The following CR1 variants were observed in gnomAD, a reference collection of about 807,000 sequenced individuals.
CR1 encodes complement C3b/C4b receptor 1 (Knops blood group).
A neutral mutation model predicts 187.3 loss-of-function variants in CR1; 116 were observed. The ratio of observed to expected loss-of-function variants is 0.62; its 90% CI spans 0.53 to 0.72. The LOEUF is 0.72. Ranked by LOEUF, CR1 falls within the 30% of genes least tolerant of loss-of-function variation. The probability of loss-of-function intolerance (pLI) is 0.00; values close to 1 mark genes in which losing one functional copy is unlikely to be tolerated. For synonymous variants in CR1, 576 were observed against 747.1 expected, an observed-to-expected ratio of 0.77 and a Z score of 3.73; for missense variants, 1,731 against 2,110.7, an observed-to-expected ratio of 0.82 and a Z score of 3.52.
Position 207,496,262 on chromosome 1 carries a change from G to C in CR1, c.-6G>C. The C allele has an allele frequency of 1.2e-6, 2 of 1,613,798 alleles. No homozygotes were observed. Among genetic ancestry groups the C allele is most frequent in the African/African-American group, 1.3e-5 (1 of 75,040 alleles). On this transcript the variant is annotated 5_prime_UTR_variant, in exon 1 of 47. Coordinates refer to ENST00000367049, the MANE Select transcript of CR1 (RefSeq NM_000651.6). ...CAAATCTGGTTTGTAGATGTGCTTG[G>C]GGAGAATGGGGGCCTCTTCTCCAAG...
At chr1:207,583,678 T>A (rs944344090) in intron 32 of CR1, among the ~76,000 whole-genome samples, 3 of 152,220 alleles carry the variant, frequency 2.0e-5, no homozygotes, top group South Asian at 2.1e-4. Flanking sequence ...ATCATTTCAA[T>A]GTCTTGTATT....
intron 46 of CR1, among the ~76,000 whole-genome samples, chr1:207,636,752 C>T (rs1270373795): frequency 6.6e-6 from 1 of 152,250 alleles, no homozygotes; most frequent in African/African-American, 2.4e-5. Flanking sequence ...TTTAAAATGG[C>T]TTTTAATACT....
intron 40 of CR1, 42 bp from the exon 41 acceptor site, chr1:207,616,533 G>A (rs1305886893): frequency 1.3e-6 from 2 of 1,596,178 alleles, no homozygotes; most frequent in Non-Finnish European, 1.7e-6. Context: ...GTCATCTTAA[G>A]TGAAATTCTA....
At chr1:207,581,423 A>G (rs1038801131) in intron 31 of CR1, among the ~76,000 whole-genome samples, 1 of 150,580 alleles carries the variant, frequency 6.6e-6, no homozygotes, top group Admixed American at 6.7e-5. Flanking sequence ...TATGGAACAT[A>G]TGTATATATA....
At chr1:207,500,539 G>A (rs993437958) in intron 1 of CR1, among the ~76,000 whole-genome samples, 8 of 152,188 alleles carry the variant, frequency 5.3e-5, no homozygotes, top group Non-Finnish European at 1.2e-4. Flanking sequence ...GAATGTGAAA[G>A]TGGGCTGAGT....
At chr1:207,526,522 A>T (rs986873457) in intron 5 of CR1, among the ~76,000 whole-genome samples, 7 of 151,342 alleles carry the variant, frequency 4.6e-5, no homozygotes, top group Non-Finnish European at 7.4e-5. Flanking sequence ...GATGAAAAAC[A>T]ATGAATTGGA....
intron 41 of CR1, among the ~76,000 whole-genome samples, chr1:207,617,483 G>GTA (rs767996719): frequency 0.03 from 1,253 of 41,676 alleles, 110 homozygotes; most frequent in Middle Eastern, 0.051. Flanking sequence ...AGAACTTAAA[G>GTA]TATATATATA....
intron 35 of CR1, among the ~76,000 whole-genome samples, chr1:207,601,750 C>T (rs529266943): frequency 7.2e-5 from 11 of 152,038 alleles, no homozygotes; most frequent in South Asian, 6.2e-4. Context: ...TTGTCCATTT[C>T]GTAATTGGGT....
rs748682663 is a variant in CR1, at chr1:207,523,680, A to C, written c.557A>C (p.His186Pro). 2.5e-6 allele frequency: 4 copies of C among 1,613,728 alleles called. No individual in the cohort carries two copies. In the South Asian group the frequency reaches 4.4e-5, roughly 18 times the overall value. ...ATTAGCACCAACAGAGAGAATTTTCACTATGGATCAGTGGTGACCTACCGC... is the reference window on the plus strand; with the variant it reads ...ATTAGCACCAACAGAGAGAATTTTCCCTATGGATCAGTGGTGACCTACCGC... ...DFISTNRENF[H>P]YGSVVTYRCN... is the part of the protein sequence containing the mutation. Residue 186 changes from histidine (H) to proline (P), a missense_variant, in exon 5 of 47, where the codon CAC (histidine) becomes CCC (proline). His to Pro is a moderately conservative substitution (Grantham distance 77). Transcript: ENST00000367049.
At chr1:207,496,464 C>G (rs1659089250) in intron 1 of CR1, 76 bp downstream of exon 1, 1 of 1,417,388 alleles carries the variant, frequency 7.1e-7, no homozygotes, top group African/African-American at 1.5e-5. Context: ...TCGCGTGCAG[C>G]GCTGAGCTGC....
At chr1:207,584,618 A>G (rs760229651) in intron 32 of CR1, 31 bp from the exon 33 acceptor site, 2 of 1,603,724 alleles carry the variant, frequency 1.2e-6, no homozygotes, top group East Asian at 2.2e-5. Context: ...AAAATTTTTT[A>G]TGGAATTGAG....
chr1:207,578,281 G>A (rs557063086), intron 29 of CR1, 78 bp downstream of exon 29: 43 of 1,610,886 alleles, frequency 2.7e-5, no homozygotes, highest in Admixed American at 3.3e-5. Context: ...TATTTGTTAA[G>A]GGGGAGGTAT....
chr1:207,587,637 G>C, intron 34 of CR1, 72 bp downstream of exon 34: 2 of 1,436,010 alleles, frequency 1.4e-6, no homozygotes, highest in Non-Finnish European at 1.9e-6. Flanking sequence ...GGTGGCTCAC[G>C]CCTGTAATCC....
At chr1:207,594,028 T>C (rs1333694015) in intron 35 of CR1, among the ~76,000 whole-genome samples, 3 of 152,188 alleles carry the variant, frequency 2.0e-5, no homozygotes, top group Admixed American at 6.5e-5. Flanking sequence ...GTTCAACCAT[T>C]GTGGATGACA....
chr1:207,578,088 C>T lies in CR1; in HGVS notation c.4821C>T (p.Ser1607=). ...ILVSDNRSLF[S]LNEVVEFRCQ... The stretch of plus-strand genomic sequence containing the variant: ...TATCTGACAACAGAAGCTTATTTTC[C>T]TTAAATGAAGTTGTGGAGTTTAGGT... The change falls in exon 29 of 47, where the codon TCC becomes TCT. Residue 1607 remains serine (S), a synonymous_variant. Transcript: ENST00000367049. 6.2e-7 allele frequency: 1 copy of T among 1,611,730 alleles called. No individual in the cohort carries two copies. The highest frequency in any genetic ancestry group is 8.5e-7 in the Non-Finnish European group (1 of 1,179,660).
At chr1:207,637,163 A>C (rs1447006228) in intron 46 of CR1, among the ~76,000 whole-genome samples, 3 of 152,154 alleles carry the variant, frequency 2.0e-5, no homozygotes, top group Non-Finnish European at 4.4e-5. Flanking sequence ...TGGGGTAGAG[A>C]TTCCTTTTTC....
At chr1:207,627,436 GTTACCACAAGGGGA>G (rs902808551) in intron 45 of CR1, among the ~76,000 whole-genome samples, 10 of 152,326 alleles carry the variant, frequency 6.6e-5, no homozygotes, top group African/African-American at 1.9e-4. Context: ...CACTAACAGT[GTTACCACAAGGGGA>G]AATTTCTGCC....
intron 23 of CR1, 24 bp downstream of exon 23, chr1:207,564,258 G>C (rs779476081): frequency 7.0e-6 from 11 of 1,571,474 alleles, no homozygotes; most frequent in South Asian, 5.8e-5. Flanking sequence ...TGCCTGACCT[G>C]CTGGACATTG....
At chr1:207,568,123 G>C in intron 25 of CR1, 81 bp downstream of exon 25, 2 of 1,608,366 alleles carry the variant, frequency 1.2e-6, no homozygotes, top group South Asian at 2.2e-5. Context: ...TTACAGTGTA[G>C]TATTTATTTG....
Sources: allele counts gnomAD v4.1 joint callset (sites outside exome capture counted in the v4.1 genomes callset), GRCh38; gene constraint gnomAD v4.1.1; transcripts MANE v1.5; gene names NCBI Gene and HGNC (gene_info 2026-07-23, HGNC 2026-07-21).